The following CLVS1 variants were observed in gnomAD, a reference collection of about 807,000 sequenced individuals.
CLVS1 encodes clavesin 1, also known as clavesin-1.
Under a neutral mutation model 33.1 loss-of-function variants are expected in CLVS1, and 10 were observed. The observed-to-expected ratio is 0.30, with a 90% CI of 0.19 to 0.51. CLVS1 has a LOEUF of 0.51. Among genes scored for constraint, CLVS1 ranks in the 20% least tolerant of loss-of-function variants. The probability of loss-of-function intolerance (pLI) is 0.97; values close to 1 mark genes in which losing one functional copy is unlikely to be tolerated. For synonymous variants in CLVS1, 163 were observed against 166.1 expected (o/e 0.98, Z 0.14); for missense variants, 343 against 433.4 (o/e 0.79, Z 1.85).
chr8:61,033,161 A>AAGAAAGAAAAAAG, the CLVS1 span, among the ~76,000 whole-genome samples: 8 of 92,210 alleles, frequency 8.7e-5, 1 homozygote, highest in Admixed American at 3.1e-4. Flanking sequence ...GAAAGAAAGA[A>AAGAAAGAAAAAAG]AAAGAAAGAA....
chr8:61,297,066 G>A (rs916145815), intron 1 of CLVS1, among the ~76,000 whole-genome samples: 2 of 152,154 alleles, frequency 1.3e-5, no homozygotes, highest in African/African-American at 4.8e-5. Context: ...GACAGAGAGA[G>A]TGCAGCTTTT....
At chr8:61,120,080 T>A (rs1451508734) in intron 1 of CLVS1, among the ~76,000 whole-genome samples, 1 of 148,714 alleles carries the variant, frequency 6.7e-6, no homozygotes, top group Non-Finnish European at 1.5e-5. Flanking sequence ...TTCTTTTTAT[T>A]CTTTTTTCTC....
At chr8:61,282,539 C>A (rs1290694696) in intron 2 of CLVS1, among the ~76,000 whole-genome samples, 1 of 152,148 alleles carries the variant, frequency 6.6e-6, no homozygotes. Flanking sequence ...GGATTACAAT[C>A]CCAGCTGCCC....
chr8:61,478,555 C>T (rs1818053011), intron 5 of CLVS1, among the ~76,000 whole-genome samples: 1 of 152,122 alleles, frequency 6.6e-6, no homozygotes, highest in Non-Finnish European at 1.5e-5. Context: ...TGAATTGATC[C>T]CTTTACCATT....
At chr8:61,109,169 C>T (rs1374877977) in intron 1 of CLVS1, among the ~76,000 whole-genome samples, 1 of 152,208 alleles carries the variant, frequency 6.6e-6, no homozygotes, top group East Asian at 1.9e-4. Context: ...GGGTCATACT[C>T]GTATCCACAT....
intron 2 of CLVS1, among the ~76,000 whole-genome samples, chr8:61,276,594 C>T (rs1317288466): frequency 6.6e-6 from 1 of 152,186 alleles, no homozygotes; most frequent in Non-Finnish European, 1.5e-5. Context: ...ATTATTTGCT[C>T]ACATATTCAG....
At chr8:61,046,489 T>C in the CLVS1 span, among the ~76,000 whole-genome samples, 2 of 147,512 alleles carry the variant, frequency 1.4e-5, no homozygotes, top group Non-Finnish European at 3.0e-5. Context: ...TTTGGTTCCA[T>C]ACGAACTTTA....
At chr8:61,081,272 T>C (rs1805015711) in intron 1 of CLVS1, among the ~76,000 whole-genome samples, 1 of 152,080 alleles carries the variant, frequency 6.6e-6, no homozygotes, top group Admixed American at 6.5e-5. Flanking sequence ...AATGAGGGCC[T>C]GGGCTGGGCT....
At chr8:61,339,012 CTGTGTG>C (rs10608174) in intron 2 of CLVS1, among the ~76,000 whole-genome samples, 14 of 149,576 alleles carry the variant, frequency 9.4e-5, no homozygotes, top group African/African-American at 3.0e-4. Context: ...GAGTGTGTGC[CTGTGTG>C]TGTGTGTGTG....
intron 5 of CLVS1, among the ~76,000 whole-genome samples, chr8:61,488,907 C>A (rs765324985): frequency 1.4e-4 from 21 of 152,186 alleles, no homozygotes; most frequent in Non-Finnish European, 2.6e-4. Flanking sequence ...TGTCTTCTGG[C>A]AGCTGAACTG....
intron 2 of CLVS1, among the ~76,000 whole-genome samples, chr8:61,277,882 C>T (rs1279225915): frequency 6.7e-6 from 1 of 149,358 alleles, no homozygotes; most frequent in South Asian, 2.1e-4. Flanking sequence ...AGTGACAAGA[C>T]AAAAAAAAAG....
At chr8:61,225,790 C>T (rs1334483588) in intron 2 of CLVS1, among the ~76,000 whole-genome samples, 1 of 152,170 alleles carries the variant, frequency 6.6e-6, no homozygotes, top group East Asian at 1.9e-4. Context: ...CTGGACAGTA[C>T]CACCCAGGGA....
intron 2 of CLVS1, chr8:61,203,250 T>G: frequency 3.0e-6 from 3 of 1,010,870 alleles, no homozygotes; most frequent in Non-Finnish European, 4.6e-6. Context: ...AACAATTTGT[T>G]AAAAATTTTC....
At chr8:61,456,688 A>G (rs1309361212) in intron 4 of CLVS1, among the ~76,000 whole-genome samples, 1 of 151,986 alleles carries the variant, frequency 6.6e-6, no homozygotes, top group Non-Finnish European at 1.5e-5. Context: ...AGGCCGAGGC[A>G]TGCGGATCAC....
intron 2 of CLVS1, among the ~76,000 whole-genome samples, chr8:61,189,158 G>C (rs889737467): frequency 6.6e-6 from 1 of 152,162 alleles, no homozygotes; most frequent in Non-Finnish European, 1.5e-5. Context: ...AAGCCCATCA[G>C]ACTAACAGTG....
At chr8:61,088,894 T>C (rs551875866) in intron 1 of CLVS1, among the ~76,000 whole-genome samples, 131 of 151,700 alleles carry the variant, frequency 8.6e-4, no homozygotes, top group African/African-American at 2.5e-3. Flanking sequence ...CTCCGCCTCC[T>C]GGGTTCACGC....
At chr8:61,378,689 T>C (rs1278598559) in intron 3 of CLVS1, among the ~76,000 whole-genome samples, 1 of 152,194 alleles carries the variant, frequency 6.6e-6, no homozygotes, top group African/African-American at 2.4e-5. Context: ...TTGGCCATGC[T>C]GAGGAAGCAC....
chr8:61,125,365 G>A (rs1195263814), intron 1 of CLVS1, among the ~76,000 whole-genome samples: 3 of 152,154 alleles, frequency 2.0e-5, no homozygotes, highest in African/African-American at 4.8e-5. Context: ...GTTGTGGGGG[G>A]CTAGGTGCAG....
At chr8:61,487,920 C>T (rs182160535) in intron 5 of CLVS1, among the ~76,000 whole-genome samples, 1 of 152,344 alleles carries the variant, frequency 6.6e-6, no homozygotes, top group Admixed American at 6.5e-5. Context: ...CTACCTGCTT[C>T]AGAACACCAC....
Sources: gnomAD v4.1 joint callset for allele counts (sites outside exome capture counted in the v4.1 genomes callset) on GRCh38, gnomAD v4.1.1 for gene constraint, MANE v1.5 for transcripts, NCBI Gene and HGNC (gene_info 2026-07-23, HGNC 2026-07-21) for gene names.